DCAF8L2: variants seen among roughly 807,000 people sequenced by gnomAD.
DCAF8L2 encodes DDB1- and CUL4-associated factor 8-like protein 2.
For synonymous variants in DCAF8L2, 200 were observed against 190.9 expected (o/e 1.05, Z -0.39); for missense variants, 430 against 490.7 (o/e 0.88, Z 1.17).
Position 27,684,186 on chromosome X carries a change from C to T in DCAF8L2, c.-143+6274C>T, listed in dbSNP as rs962764284. Among the ~76,000 whole-genome samples the T allele has an allele frequency of 4.5e-5, 5 of 111,734 alleles. No homozygotes were observed. The East Asian group carries it at 8.5e-4, about 19-fold the overall frequency. ...TCTACCCTCAAAGAGCTAACGATGT[C>T]TGGAACCAAAGGAGAAGAAGTGACA... On this transcript the variant is annotated intron_variant, in intron 3 of 4. Transcript: ENST00000451261.
chrX:27,696,409 C>G (rs1930928655), intron 3 of DCAF8L2, among the ~76,000 whole-genome samples: 1 of 111,003 alleles, frequency 9.0e-6, no homozygotes, highest in African/African-American at 3.3e-5. Context: ...AAGCCTGACT[C>G]TAACTGTGGT....
the DCAF8L2 span, among the ~76,000 whole-genome samples, chrX:27,583,325 A>G: frequency 3.6e-5 from 4 of 111,896 alleles, no homozygotes; most frequent in South Asian, 7.5e-4. Flanking sequence ...TAATGTCACA[A>G]GATTTTCAAG....
At chrX:27,547,821 C>CTCTCTCTCTCTCTCTT in the DCAF8L2 span, among the ~76,000 whole-genome samples, 1 of 86,672 alleles carries the variant, frequency 1.2e-5, no homozygotes, top group African/African-American at 5.1e-5. Flanking sequence ...TCCCCATTTG[C>CTCTCTCTCTCTCTCTT]TCTCTCTCTC....
At chrX:27,684,356 A>G (rs1160625741) in intron 3 of DCAF8L2, among the ~76,000 whole-genome samples, 1 of 112,158 alleles carries the variant, frequency 8.9e-6, no homozygotes, top group Admixed American at 9.5e-5. Flanking sequence ...GTCCTATCCC[A>G]GCATCTATTT....
chrX:27,745,932 G>A (rs1413032107), intron 4 of DCAF8L2, among the ~76,000 whole-genome samples: 1 of 111,678 alleles, frequency 9.0e-6, no homozygotes, highest in African/African-American at 3.3e-5. Flanking sequence ...TCACAAAATT[G>A]TGTTGGTGTT....
At chrX:27,547,282 A>G in the DCAF8L2 span, among the ~76,000 whole-genome samples, 3 of 111,934 alleles carry the variant, frequency 2.7e-5, no homozygotes, top group African/African-American at 9.7e-5. Flanking sequence ...TAAGTGTCTC[A>G]GAAGTTCCAA....
intron 1 of DCAF8L2, among the ~76,000 whole-genome samples, chrX:27,604,129 A>T (rs757756587): frequency 3.6e-4 from 40 of 111,176 alleles, no homozygotes; most frequent in Middle Eastern, 4.2e-3. Context: ...GCATTCACAT[A>T]CAAGCAACAG....
At chrX:27,589,563 G>A (rs758282691), upstream of DCAF8L2, among the ~76,000 whole-genome samples, 3 of 111,662 alleles carry the variant, frequency 2.7e-5, no homozygotes, top group East Asian at 8.5e-4. Flanking sequence ...GGGGAAACAT[G>A]AAAGATCAAT....
At chrX:27,499,111 T>C in the DCAF8L2 span, among the ~76,000 whole-genome samples, 21 of 112,376 alleles carry the variant, frequency 1.9e-4, no homozygotes, top group African/African-American at 6.5e-4. Flanking sequence ...CTGGATCATA[T>C]GGTAGTTATA....
intron 3 of DCAF8L2, among the ~76,000 whole-genome samples, chrX:27,706,634 G>C (rs753843487): frequency 1.8e-5 from 2 of 111,978 alleles, no homozygotes; most frequent in East Asian, 5.7e-4. Flanking sequence ...ACAATGAAAA[G>C]TGTTGGCAAG....
intron 4 of DCAF8L2, among the ~76,000 whole-genome samples, chrX:27,731,972 A>G (rs1045429922): frequency 8.1e-5 from 9 of 111,523 alleles, no homozygotes; most frequent in Non-Finnish European, 1.7e-4. Flanking sequence ...GGGCAAGACC[A>G]TGATTCAAAC....
At chrX:27,500,441 T>C in the DCAF8L2 span, among the ~76,000 whole-genome samples, 3 of 111,757 alleles carry the variant, frequency 2.7e-5, no homozygotes, top group Admixed American at 9.5e-5. Flanking sequence ...TTATACACTG[T>C]TGGAATTTTC....
the DCAF8L2 span, among the ~76,000 whole-genome samples, chrX:27,507,069 TA>T: frequency 9.0e-6 from 1 of 111,674 alleles, no homozygotes; most frequent in Non-Finnish European, 1.9e-5. Context: ...AAAGAAACTC[TA>T]CTTTCTGTCC....
At chrX:27,550,834 CA>C in the DCAF8L2 span, among the ~76,000 whole-genome samples, 47,537 of 109,723 alleles carry the variant, frequency 0.43, 8,692 homozygotes, top group South Asian at 0.69. Flanking sequence ...TTTTTTTACA[CA>C]ATTAAGGGTT....
chrX:27,519,178 C>G, the DCAF8L2 span: 1 of 1,135,393 alleles, frequency 8.8e-7, no homozygotes, highest in Admixed American at 2.3e-5. Context: ...AAGAATAGAA[C>G]GTGAAAAGGA....
chrX:27,474,735 A>G, the DCAF8L2 span, among the ~76,000 whole-genome samples: 1 of 111,795 alleles, frequency 8.9e-6, no homozygotes, highest in African/African-American at 3.3e-5. Flanking sequence ...GGGTCCAAGA[A>G]ATGATAGGCT....
intron 2 of DCAF8L2, among the ~76,000 whole-genome samples, chrX:27,668,633 G>C (rs987549159): frequency 2.7e-5 from 3 of 111,789 alleles, no homozygotes; most frequent in African/African-American, 9.8e-5. Context: ...TAAATTACCA[G>C]ACATTTCTGG....
the DCAF8L2 span, among the ~76,000 whole-genome samples, chrX:27,512,219 T>C: frequency 4.5e-5 from 5 of 111,631 alleles, no homozygotes; most frequent in Admixed American, 1.9e-4. Flanking sequence ...TGCAGTGAGC[T>C]GTGATCATGC....
At chrX:27,547,077 T>C in the DCAF8L2 span, among the ~76,000 whole-genome samples, 1 of 111,907 alleles carries the variant, frequency 8.9e-6, no homozygotes, top group African/African-American at 3.3e-5. Flanking sequence ...AGTTCCAGTT[T>C]CAAATAATGT....
Sources: gnomAD v4.1 joint callset for allele counts (sites outside exome capture counted in the v4.1 genomes callset) on GRCh38, gnomAD v4.1.1 for gene constraint, MANE v1.5 for transcripts, NCBI Gene and HGNC (gene_info 2026-07-23, HGNC 2026-07-21) for gene names.